The following YAF2 variants were observed in gnomAD, a reference collection of about 807,000 sequenced individuals.
YAF2 encodes the protein YY1 associated factor 2.
YAF2 carries 7 observed loss-of-function variants against 20.1 expected under a neutral mutation model. The observed-to-expected ratio is 0.35, with a 90% CI of 0.20 to 0.65. YAF2 has a LOEUF of 0.65. YAF2 is among the 30% of genes least tolerant of loss of function. The pLI is 0.69. For synonymous variants in YAF2, 74 were observed against 76.0 expected (o/e 0.97, Z 0.14); for missense variants, 151 against 219.2 (o/e 0.69, Z 1.96).
intron 2 of YAF2, among the ~76,000 whole-genome samples, chr12:42,219,487 A>G (rs921938805): frequency 6.6e-6 from 1 of 152,224 alleles, no homozygotes; most frequent in Non-Finnish European, 1.5e-5. Context: ...ATGAGAGTTC[A>G]TTAAGCTCAT....
intron 2 of YAF2, among the ~76,000 whole-genome samples, chr12:42,222,964 A>C (rs1419663843): frequency 6.8e-6 from 1 of 147,912 alleles, no homozygotes; most frequent in Non-Finnish European, 1.5e-5. Context: ...TACCATTGGT[A>C]GTTTCTGGTG....
chr12:42,219,142 G>A lies in YAF2; in HGVS notation c.152+18457C>T, dbSNP rs115673480. On this transcript the variant is annotated intron_variant, in intron 2 of 3. Transcript: ENST00000534854. ...AAATATATAATGGCATAAATGACCT[G>A]GATGAAGTGAAGTGGGCAACCACAG... 9.9e-3 allele frequency among the ~76,000 whole-genome samples: 1,507 copies of A among 152,302 alleles called. 29 individuals are homozygous for A. The highest frequency in any genetic ancestry group is 0.035 in the African/African-American group (1,440 of 41,562).
intron 2 of YAF2, among the ~76,000 whole-genome samples, chr12:42,174,712 A>G (rs1265401553): frequency 6.6e-6 from 1 of 152,202 alleles, no homozygotes; most frequent in African/African-American, 2.4e-5. Context: ...CTCGGTTTTA[A>G]GTATCATCTG....
At chr12:42,187,842 G>A (rs2066512309) in intron 2 of YAF2, among the ~76,000 whole-genome samples, 1 of 152,142 alleles carries the variant, frequency 6.6e-6, no homozygotes, top group Non-Finnish European at 1.5e-5. Context: ...TTACAAAGTG[G>A]GATTTCTGGG....
intron 2 of YAF2, chr12:42,235,127 A>C: frequency 2.0e-6 from 2 of 986,244 alleles, no homozygotes; most frequent in Non-Finnish European, 2.4e-6. Context: ...AGGCAGAATC[A>C]GTTCAAAGGT....
intron 2 of YAF2, among the ~76,000 whole-genome samples, chr12:42,196,619 A>G (rs2066759901): frequency 6.6e-6 from 1 of 152,236 alleles, no homozygotes; most frequent in Admixed American, 6.5e-5. Flanking sequence ...ACCAGGGGTA[A>G]GAAAAACCCA....
At position 42,227,667 on chromosome 12, in the gene YAF2, G is replaced by A. The variant is rs1425534497; in HGVS notation, c.152+9932C>T. ...GCAGCTGCCCCGTCTGAGAAGTGAG[G>A]AGCCTCTCCGCCCGGCAGCCACCCC... On this transcript the variant is annotated intron_variant, in intron 2 of 3. Transcript: ENST00000534854. Among the ~76,000 whole-genome samples, 11 of 150,592 alleles carry A rather than the reference G, an allele frequency of 7.3e-5. No individual in the cohort carries two copies. In the East Asian group the frequency reaches 2.0e-3, roughly 28 times the overall value.
intron 3 of YAF2, 60 bp downstream of exon 3, chr12:42,161,552 GT>G: frequency 6.7e-7 from 1 of 1,488,738 alleles, no homozygotes; most frequent in Non-Finnish European, 8.9e-7. Flanking sequence ...GTATGTCAAG[GT>G]TAAAAAAATT....
chr12:42,182,505 C>T (rs2066369564), intron 2 of YAF2, among the ~76,000 whole-genome samples: 1 of 152,162 alleles, frequency 6.6e-6, no homozygotes, highest in South Asian at 2.1e-4. Flanking sequence ...GAAACTATAA[C>T]ATAAACTGAA....
intron 2 of YAF2, among the ~76,000 whole-genome samples, chr12:42,227,586 G>A (rs1322296533): frequency 6.7e-6 from 1 of 150,012 alleles, no homozygotes; most frequent in Non-Finnish European, 1.5e-5. Context: ...TGAGAAGTGA[G>A]GAGACCCTCT....
intron 2 of YAF2, among the ~76,000 whole-genome samples, chr12:42,202,306 A>T (rs1276541267): frequency 6.6e-6 from 1 of 152,224 alleles, no homozygotes; most frequent in Non-Finnish European, 1.5e-5. Flanking sequence ...AAGCATACAA[A>T]TACTGAATGT....
At chr12:42,235,736 T>C in intron 2 of YAF2, 2 of 1,534,768 alleles carry the variant, frequency 1.3e-6, no homozygotes, top group South Asian at 2.4e-5. Context: ...AAAAATTGGA[T>C]CTACAAGAGC....
chr12:42,169,930 G>A (rs1271744041), intron 2 of YAF2, among the ~76,000 whole-genome samples: 1 of 151,650 alleles, frequency 6.6e-6, no homozygotes, highest in East Asian at 1.9e-4. Flanking sequence ...GAGTGCAGTG[G>A]TACAATCACA....
intron 2 of YAF2, chr12:42,210,690 T>G (rs1190410913): frequency 1.3e-6 from 2 of 1,529,482 alleles, no homozygotes; most frequent in African/African-American, 1.4e-5. Context: ...TCTATCAGAA[T>G]AAGAAGATTA....
At chr12:42,192,756 T>C (rs2066647821) in intron 2 of YAF2, among the ~76,000 whole-genome samples, 1 of 152,132 alleles carries the variant, frequency 6.6e-6, no homozygotes, top group African/African-American at 2.4e-5. Flanking sequence ...GTACTATCAG[T>C]TTTCCTCTTC....
chr12:42,220,958 T>C (rs1258941776), intron 2 of YAF2, among the ~76,000 whole-genome samples: 1 of 152,102 alleles, frequency 6.6e-6, no homozygotes, highest in Non-Finnish European at 1.5e-5. Flanking sequence ...CACTATGATA[T>C]CAAAGAAGTG....
rs1281468280 is a variant in YAF2, at chr12:42,227,411, C to T, written c.152+10188G>A. On this transcript the variant is annotated intron_variant, in intron 2 of 3. Transcript: ENST00000534854. ...GAAGTGAGGAGCGCCTCTTCCCAGC[C>T]GCCATCACATCTAGGAAGTGAGGAG... 1.0e-3 allele frequency among the ~76,000 whole-genome samples: 104 copies of T among 103,652 alleles called. 1 individual carries two copies. The highest frequency in any genetic ancestry group is 5.6e-3 in the East Asian group (18 of 3,188). The allele number at this position is 103,652 out of a possible 152,430, so 68.0% of individuals were successfully genotyped here. A position where few individuals can be genotyped will look rare whatever the true frequency, so the allele number is the denominator to read the frequency against.
chr12:42,220,951 T>C (rs2067494278), intron 2 of YAF2, among the ~76,000 whole-genome samples: 1 of 152,112 alleles, frequency 6.6e-6, no homozygotes, highest in Admixed American at 6.5e-5. Flanking sequence ...TGAGAAACAC[T>C]ATGATATCAA....
intron 2 of YAF2, among the ~76,000 whole-genome samples, chr12:42,183,157 T>C (rs1259444053): frequency 6.6e-6 from 1 of 152,142 alleles, no homozygotes; most frequent in Non-Finnish European, 1.5e-5. Context: ...AATTGGTAAG[T>C]GTTTGTGTTC....
Sources: allele counts gnomAD v4.1 joint callset (sites outside exome capture counted in the v4.1 genomes callset), GRCh38; gene constraint gnomAD v4.1.1; transcripts MANE v1.5; gene names NCBI Gene and HGNC (gene_info 2026-07-23, HGNC 2026-07-21).